Variants in SUPT3H observed in about 807,000 individuals in gnomAD.
SUPT3H encodes the protein transcription initiation protein SPT3 homolog.
Under a neutral mutation model 44.3 loss-of-function variants are expected in SUPT3H, and 44 were observed. The ratio of observed to expected loss-of-function variants is 0.99; its 90% CI spans 0.78 to 1.28. SUPT3H has a LOEUF of 1.28. SUPT3H is among the 50% of genes most tolerant of loss of function. SUPT3H has a pLI of 0.00. For synonymous variants in SUPT3H, 124 were observed against 125.6 expected, an observed-to-expected ratio of 0.99 and a Z score of 0.09; for missense variants, 380 against 387.1, an observed-to-expected ratio of 0.98 and a Z score of 0.15.
At chr6:45,070,936 A>C (rs1316891971) in intron 3 of SUPT3H, among the ~76,000 whole-genome samples, 1 of 152,124 alleles carries the variant, frequency 6.6e-6, no homozygotes, top group Non-Finnish European at 1.5e-5. Flanking sequence ...GCCGCAAAAC[A>C]AATTCCCTAT....
At chr6:45,093,320 A>G (rs901210678) in intron 3 of SUPT3H, among the ~76,000 whole-genome samples, 10 of 152,156 alleles carry the variant, frequency 6.6e-5, no homozygotes, top group Admixed American at 4.6e-4. Context: ...AAACCTGGAA[A>G]ATGGCCTATA....
intron 9 of SUPT3H, among the ~76,000 whole-genome samples, chr6:44,943,677 G>A (rs12196818): frequency 0.36 from 55,213 of 151,776 alleles, 10,714 homozygotes; most frequent in Admixed American, 0.43. Flanking sequence ...ACAGGGAAAC[G>A]ATAATAGAAA....
intron 1 of SUPT3H, among the ~76,000 whole-genome samples, chr6:45,371,519 A>T (rs1327195372): frequency 6.6e-6 from 1 of 152,150 alleles, no homozygotes; most frequent in Non-Finnish European, 1.5e-5. Flanking sequence ...GATAGCAGAT[A>T]ACCTGAAATA....
intron 3 of SUPT3H, among the ~76,000 whole-genome samples, chr6:45,080,827 A>G (rs1295002916): frequency 6.6e-6 from 1 of 152,062 alleles, no homozygotes; most frequent in Non-Finnish European, 1.5e-5. Context: ...TGGGTACAAA[A>G]AACAGAAAGA....
chr6:45,105,367 G>A (rs542914804), intron 3 of SUPT3H, among the ~76,000 whole-genome samples: 1 of 152,228 alleles, frequency 6.6e-6, no homozygotes, highest in South Asian at 2.1e-4. Context: ...GATACCGTAA[G>A]TTCAGTTACA....
intron 3 of SUPT3H, among the ~76,000 whole-genome samples, chr6:45,029,198 AT>A (rs1470592046): frequency 6.6e-6 from 1 of 151,856 alleles, no homozygotes; most frequent in Non-Finnish European, 1.5e-5. Flanking sequence ...TTAGAGTTTC[AT>A]TTTAACTGTT....
At chr6:45,098,561 A>T (rs1455172952) in intron 3 of SUPT3H, 1 of 305,978 alleles carries the variant, frequency 3.3e-6, no homozygotes, top group East Asian at 8.7e-5. Context: ...AGGAACATCC[A>T]TGCAGACATG....
At chr6:45,172,593 ATTTTT>A (rs141335840) in intron 2 of SUPT3H, among the ~76,000 whole-genome samples, 2 of 145,992 alleles carry the variant, frequency 1.4e-5, no homozygotes, top group African/African-American at 2.5e-5. Context: ...AGATAGATAT[ATTTTT>A]TTTTTTTTTT....
chr6:45,213,423 A>G (rs992550747), intron 2 of SUPT3H, among the ~76,000 whole-genome samples: 7 of 152,244 alleles, frequency 4.6e-5, no homozygotes, highest in Admixed American at 6.5e-5. Context: ...GAACAAACAT[A>G]AATGGCCAAA....
At chr6:45,277,798 T>G (rs1777274304) in intron 2 of SUPT3H, among the ~76,000 whole-genome samples, 1 of 152,178 alleles carries the variant, frequency 6.6e-6, no homozygotes, top group Non-Finnish European at 1.5e-5. Context: ...ATTAACTAGC[T>G]TACAAAGCCA....
intron 4 of SUPT3H, among the ~76,000 whole-genome samples, chr6:45,015,209 A>T (rs1174471728): frequency 6.6e-6 from 1 of 152,146 alleles, no homozygotes; most frequent in Non-Finnish European, 1.5e-5. Context: ...CACTGAATAC[A>T]CTTACACAAA....
At chr6:45,186,820 G>GA (rs1814291519) in intron 2 of SUPT3H, among the ~76,000 whole-genome samples, 2 of 152,072 alleles carry the variant, frequency 1.3e-5, no homozygotes, top group South Asian at 4.1e-4. Flanking sequence ...ATACTCAGAG[G>GA]AAAGGAACAT....
intron 10 of SUPT3H, among the ~76,000 whole-genome samples, chr6:44,882,262 C>T (rs556739254): frequency 1.7e-4 from 26 of 152,160 alleles, no homozygotes; most frequent in Admixed American, 2.6e-4. Flanking sequence ...AACACCTCTA[C>T]GCAAATAAAC....
At chr6:44,954,307 C>T (rs550687314) in intron 8 of SUPT3H, among the ~76,000 whole-genome samples, 188 bp downstream of exon 8, 1 of 152,236 alleles carries the variant, frequency 6.6e-6, no homozygotes, top group Admixed American at 6.5e-5. Context: ...TTTATCCTAG[C>T]ATCCACTTGA....
chr6:45,264,848 G>T (rs1562822786), intron 2 of SUPT3H, among the ~76,000 whole-genome samples: 1 of 151,962 alleles, frequency 6.6e-6, no homozygotes, highest in South Asian at 2.1e-4. Flanking sequence ...GTAGGGAGAC[G>T]AGCAAAATTT....
intron 2 of SUPT3H, among the ~76,000 whole-genome samples, chr6:45,364,501 T>C (rs1794799768): frequency 6.6e-6 from 1 of 152,082 alleles, no homozygotes; most frequent in South Asian, 2.1e-4. Context: ...CCCCCCACCT[T>C]ATACAGACAA....
At chr6:45,295,548 A>AAAAAAAAC (rs1554330142) in intron 2 of SUPT3H, among the ~76,000 whole-genome samples, 11 of 90,246 alleles carry the variant, frequency 1.2e-4, no homozygotes, top group Non-Finnish European at 1.8e-4. Flanking sequence ...AAAAAAAAAA[A>AAAAAAAAC]AAAAAACAGC....
rs189735853 is a variant in SUPT3H at position 44,879,872 on chromosome 6, A to T, written c.913-50015T>A. On this transcript the variant is annotated intron_variant, in intron 10 of 10. Coordinates refer to ENST00000371459, the MANE Select transcript of SUPT3H (RefSeq NM_003599.4). ...GAAGGAAAATGAACAAACACAAAGG[A>T]ATAGCATCAACATCAACAAAAAGGA... is the stretch of plus-strand genomic sequence containing the variant. Among the ~76,000 whole-genome samples the T allele has an allele frequency of 2.6e-3, 391 of 152,318 alleles. 3 individuals are homozygous for T. Among genetic ancestry groups the T allele is most frequent in the African/African-American group, 8.6e-3 (356 of 41,574 alleles).
intron 2 of SUPT3H, among the ~76,000 whole-genome samples, chr6:45,350,532 T>TC (rs1411096237): frequency 1.3e-5 from 2 of 152,150 alleles, no homozygotes; most frequent in Non-Finnish European, 2.9e-5. Context: ...AGACCAATAA[T>TC]AGTCACAAAC....
Sources: gnomAD v4.1 joint callset for allele counts (sites outside exome capture counted in the v4.1 genomes callset) on GRCh38, gnomAD v4.1.1 for gene constraint, MANE v1.5 for transcripts, NCBI Gene and HGNC (gene_info 2026-07-23, HGNC 2026-07-21) for gene names.